Variants in ADGRA1 observed in about 807,000 individuals in gnomAD.
ADGRA1 encodes adhesion G protein-coupled receptor A1, also known as G-protein coupled receptor 123.
Under a neutral mutation model 21.3 loss-of-function variants are expected in ADGRA1, and 12 were observed. The observed-to-expected ratio is 0.56, with a 90% CI of 0.36 to 0.91. ADGRA1 has a LOEUF of 0.91. Among genes scored for constraint, ADGRA1 ranks in the 40% least tolerant of loss-of-function variants. The pLI, the probability that ADGRA1 is intolerant of heterozygous loss-of-function variation, is 0.01. For missense variants in ADGRA1, 790 were observed against 805.6 expected (o/e 0.98, Z 0.23); for synonymous variants, 385 against 368.8 (o/e 1.04, Z -0.50).
chr10:133,115,186 A>G (rs901837976), intron 5 of ADGRA1, among the ~76,000 whole-genome samples: 1 of 151,968 alleles, frequency 6.6e-6, no homozygotes, highest in Non-Finnish European at 1.5e-5. Flanking sequence ...GGCCTCACCC[A>G]TCGCCTGAGT....
At chr10:133,090,888 C>G (rs928084959) in intron 2 of ADGRA1, among the ~76,000 whole-genome samples, 1 of 152,288 alleles carries the variant, frequency 6.6e-6, no homozygotes, top group East Asian at 1.9e-4. Flanking sequence ...TGGGCCAGGC[C>G]GTCCTCTCAA....
In ADGRA1 at chr10:133,128,487, G is replaced by A. The variant is rs777208149; in HGVS notation, c.659G>A (p.Arg220Gln). The change falls in exon 7 of 7, where the codon CGG (arginine) becomes CAG (glutamine). Residue 220 changes from arginine to glutamine, a missense_variant. This residue lies in a region of ADGRA1 where 382 missense variants were observed against 415.6 expected (regional missense o/e 0.92). Coordinates refer to ENST00000392607, the MANE Select transcript of ADGRA1 (RefSeq NM_001083909.3). The part of the protein sequence containing the change: ...ELRTQPEEQR[R>Q]LATPEGGRGI... ...CGCACACAGCCCGAGGAGCAGCGGCGGCTGGCGACACCCGAGGGCGGCCGT... is the reference window on the plus strand; with the variant it reads ...CGCACACAGCCCGAGGAGCAGCGGCAGCTGGCGACACCCGAGGGCGGCCGT... 1.8e-5 allele frequency: 28 copies of A among 1,563,494 alleles called. No homozygotes were observed. The highest frequency in any genetic ancestry group is 5.5e-5 in the African/African-American group (4 of 73,214).
At chr10:133,102,426 G>A (rs536332261) in intron 4 of ADGRA1, 122 of 596,040 alleles carry the variant, frequency 2.0e-4, no homozygotes, top group African/African-American at 6.0e-4. Context: ...GCAGAGGGGC[G>A]TGAGTGCACA....
intron 5 of ADGRA1, among the ~76,000 whole-genome samples, chr10:133,112,419 G>A (rs1174843729): frequency 0.13 from 15,025 of 119,878 alleles, 1,631 homozygotes; most frequent in East Asian, 0.45. Context: ...TTTGGGGTCT[G>A]CGGGCCATGT....
At chr10:133,125,578 C>T (rs578225408) in intron 5 of ADGRA1, among the ~76,000 whole-genome samples, 2 of 151,920 alleles carry the variant, frequency 1.3e-5, no homozygotes, top group African/African-American at 4.8e-5. Flanking sequence ...CGCCCGCCAC[C>T]ACGCCCGGCT....
At chr10:133,094,962 C>T (rs185582746) in intron 2 of ADGRA1, among the ~76,000 whole-genome samples, 8 of 152,288 alleles carry the variant, frequency 5.3e-5, no homozygotes, top group African/African-American at 7.2e-5. Flanking sequence ...GCTGTTTGCA[C>T]GTGGCAGGAA....
chr10:133,115,218 T>G (rs1215700455), intron 5 of ADGRA1, among the ~76,000 whole-genome samples: 3 of 152,068 alleles, frequency 2.0e-5, no homozygotes. Flanking sequence ...GAGTCCACCC[T>G]CAGCCCCTGA....
chr10:133,089,431 C>T (rs1474874145), intron 2 of ADGRA1, among the ~76,000 whole-genome samples: 1 of 152,212 alleles, frequency 6.6e-6, no homozygotes, highest in Non-Finnish European at 1.5e-5. Flanking sequence ...GGTGTTTCAG[C>T]GGGAAGGGGC....
At chr10:133,127,533 A>G (rs1260185983) in intron 6 of ADGRA1, among the ~76,000 whole-genome samples, 2 of 152,034 alleles carry the variant, frequency 1.3e-5, no homozygotes, top group South Asian at 2.1e-4. Context: ...AGGGAGTCCA[A>G]CCTAATCTTT....
intron 5 of ADGRA1, among the ~76,000 whole-genome samples, chr10:133,115,438 C>A (rs1002640405): frequency 6.6e-6 from 1 of 152,202 alleles, no homozygotes; most frequent in Admixed American, 6.5e-5. Flanking sequence ...GGCCAAAGAA[C>A]AGTCCTCACG....
At chr10:133,103,607 C>T (rs527975207) in intron 5 of ADGRA1, among the ~76,000 whole-genome samples, 3 of 152,226 alleles carry the variant, frequency 2.0e-5, no homozygotes, top group African/African-American at 4.8e-5. Flanking sequence ...ATGGCACAGA[C>T]CTCCCTCCCT....
chr10:133,102,883 C>T, intron 5 of ADGRA1, 41 bp downstream of exon 5: 1 of 1,583,548 alleles, frequency 6.3e-7, no homozygotes, highest in Non-Finnish European at 8.6e-7. Flanking sequence ...CCACCTGGGC[C>T]CTGGACGCTG....
Position 133,128,309 on chromosome 10 carries a change from T to G in ADGRA1, c.501-20T>G. 6.6e-7 allele frequency: 1 copy of G among 1,510,756 alleles called. No individual in the cohort carries two copies. The highest frequency in any genetic ancestry group is 1.3e-5 in the South Asian group (1 of 74,586). 93.6% of individuals were successfully genotyped at this position (1,510,756 alleles called of 1,614,324 possible). The stretch of plus-strand genomic sequence containing the variant: ...CTGGCCGTGCTGGCCCCGCTGACAC[T>G]GACGTGCGTCTCCCCACAGCTGCTG... On this transcript the variant is annotated intron_variant, in intron 6 of 6. Coordinates refer to ENST00000392607, the MANE Select transcript of ADGRA1 (RefSeq NM_001083909.3).
Position 133,121,249 on chromosome 10 carries a change from C to T in ADGRA1, c.402-5984C>T, listed in dbSNP as rs138583393. Among the ~76,000 whole-genome samples the T allele has an allele frequency of 5.8e-3, 876 of 152,318 alleles. 10 individuals carry two copies. The highest frequency in any genetic ancestry group is 0.02 in the African/African-American group (811 of 41,554). On this transcript the variant is annotated intron_variant, in intron 5 of 6. Transcript: ENST00000392607. ...TGAACACACGCTGTTGGAAAAATGG[C>T]GCTGATGGACTTGCTCAACCCGGGG...
At chr10:133,106,903 C>G (rs1161423055) in intron 5 of ADGRA1, among the ~76,000 whole-genome samples, 1 of 152,236 alleles carries the variant, frequency 6.6e-6, no homozygotes, top group African/African-American at 2.4e-5. Flanking sequence ...CCACTGGAGT[C>G]ACGATTGCAT....
In ADGRA1 at chr10:133,098,830, T is replaced by C. The variant is rs1851736694; in HGVS notation, c.255+67T>C. 13 of 1,545,048 alleles carry C rather than the reference T, an allele frequency of 8.4e-6. 1 individual carries two copies. The South Asian group carries it at 1.5e-4, about 18-fold the overall frequency. ...ACTGCGTGAGCGTCGTCTTGTTTACTAAATAATATTCCAGCGTTTGCTCAG... is the reference window on the plus strand; with the variant it reads ...ACTGCGTGAGCGTCGTCTTGTTTACCAAATAATATTCCAGCGTTTGCTCAG... On this transcript the variant is annotated intron_variant, in intron 4 of 6. Coordinates refer to ENST00000392607, the MANE Select transcript of ADGRA1 (RefSeq NM_001083909.3).
intron 5 of ADGRA1, among the ~76,000 whole-genome samples, chr10:133,114,703 G>A (rs1055541316): frequency 1.2e-4 from 19 of 152,290 alleles, no homozygotes; most frequent in African/African-American, 3.8e-4. Flanking sequence ...CTCATTTCTC[G>A]GAATTCAGAA....
intron 5 of ADGRA1, among the ~76,000 whole-genome samples, chr10:133,112,774 G>A (rs1285189695): frequency 2.2e-5 from 3 of 139,396 alleles, no homozygotes; most frequent in South Asian, 2.4e-4. Flanking sequence ...GGGTCTGTAA[G>A]CTATGTCGGT....
At chr10:133,118,798 G>T (rs1041829162) in intron 5 of ADGRA1, among the ~76,000 whole-genome samples, 2 of 152,164 alleles carry the variant, frequency 1.3e-5, no homozygotes, top group African/African-American at 4.8e-5. Flanking sequence ...CAAAAAATTT[G>T]TGTGACTCAC....
Sources: allele counts gnomAD v4.1 joint callset (sites outside exome capture counted in the v4.1 genomes callset), GRCh38; gene constraint gnomAD v4.1.1; regional missense constraint gnomAD v4.1.1; transcripts MANE v1.5; gene names NCBI Gene and HGNC (gene_info 2026-07-23, HGNC 2026-07-21).